The following NCAM1 variants were observed in gnomAD, a reference collection of about 807,000 sequenced individuals.
NCAM1 encodes the protein antigen recognized by monoclonal antibody 5.1H11.
In NCAM1, 14 loss-of-function variants were observed where a neutral mutation model predicts 109.8. The observed-to-expected ratio is 0.13, with a 90% CI of 0.08 to 0.20. NCAM1 has a LOEUF of 0.20. NCAM1 is among the 10% of genes least tolerant of loss of function. The pLI is 1.00. For synonymous variants in NCAM1, 418 were observed against 442.9 expected (o/e 0.94, Z 0.70); for missense variants, 774 against 1,109.9 (o/e 0.70, Z 4.30).
intron 1 of NCAM1, among the ~76,000 whole-genome samples, chr11:113,056,009 ATATATATATATATAT>A (rs1591288096): frequency 3.3e-5 from 4 of 121,064 alleles, no homozygotes; most frequent in South Asian, 2.6e-4. Flanking sequence ...ATATATATAT[ATATATATATATATAT>A]AAAATATATA....
intron 17 of NCAM1, chr11:113,264,219 CT>C (rs1946084531): frequency 6.1e-6 from 6 of 984,930 alleles, no homozygotes; most frequent in African/African-American, 3.5e-5. Flanking sequence ...GATTTTTGTT[CT>C]TTTTGGTTTC....
chr11:113,071,421 AT>A (rs66821824), intron 1 of NCAM1, among the ~76,000 whole-genome samples: 13,660 of 127,440 alleles, frequency 0.11, 691 homozygotes, highest in East Asian at 0.21. Context: ...TGTTGGTTGG[AT>A]TTTTTTTTTT....
chr11:113,094,092 G>C (rs538337984), intron 1 of NCAM1, among the ~76,000 whole-genome samples: 1 of 152,288 alleles, frequency 6.6e-6, no homozygotes, highest in Non-Finnish European at 1.5e-5. Flanking sequence ...GAAACATAGG[G>C]TCCCCTTTAG....
intron 1 of NCAM1, among the ~76,000 whole-genome samples, chr11:113,182,223 C>T (rs1457769808): frequency 2.6e-5 from 4 of 152,180 alleles, no homozygotes; most frequent in Non-Finnish European, 5.9e-5. Context: ...TAGTCTGTCT[C>T]GTTCTCTATT....
intron 1 of NCAM1, among the ~76,000 whole-genome samples, chr11:113,017,027 T>C (rs1332955424): frequency 6.6e-6 from 1 of 152,208 alleles, no homozygotes; most frequent in Non-Finnish European, 1.5e-5. Flanking sequence ...AATACAGTGT[T>C]CTCAAGGTTT....
Position 113,106,929 on chromosome 11 carries a change from G to C in NCAM1, c.53-95450G>C, listed in dbSNP as rs1018818442. Reference sequence around the variant, plus strand: ...TAAGACACACAGTCAACAGTTGCTTGTGGTCTCTCCTCCTCGATTTTCTAA... The same window carrying C: ...TAAGACACACAGTCAACAGTTGCTTCTGGTCTCTCCTCCTCGATTTTCTAA... On this transcript the variant is annotated intron_variant, in intron 1 of 19. Transcript: ENST00000316851. Among the ~76,000 whole-genome samples, 3 of 152,324 alleles carry C rather than the reference G, an allele frequency of 2.0e-5. No homozygotes were observed. The East Asian group carries it at 5.8e-4, about 29-fold the overall frequency.
intron 14 of NCAM1, among the ~76,000 whole-genome samples, chr11:113,243,329 G>C (rs988780414): frequency 1.3e-5 from 2 of 152,136 alleles, no homozygotes; most frequent in Non-Finnish European, 2.9e-5. Flanking sequence ...GCTGCTTCCT[G>C]ACAGCATGCC....
intron 1 of NCAM1, among the ~76,000 whole-genome samples, chr11:113,089,441 T>C (rs10891500): frequency 0.074 from 11,221 of 151,920 alleles, 737 homozygotes; most frequent in Admixed American, 0.17. Flanking sequence ...ATTGAACAAC[T>C]GTGGTTAAGA....
intron 1 of NCAM1, among the ~76,000 whole-genome samples, chr11:113,001,280 G>T (rs549012956): frequency 6.6e-6 from 1 of 152,158 alleles, no homozygotes; most frequent in Non-Finnish European, 1.5e-5. Flanking sequence ...AGGTTTCCTG[G>T]AGCATAGAAG....
intron 1 of NCAM1, among the ~76,000 whole-genome samples, chr11:113,121,192 G>T (rs1316434824): frequency 6.7e-6 from 1 of 148,786 alleles, no homozygotes; most frequent in Non-Finnish European, 1.5e-5. Flanking sequence ...CCATATTTTG[G>T]GATATCATTT....
At chr11:112,977,565 G>A (rs921912203) in intron 1 of NCAM1, 2 of 151,830 alleles carry the variant, frequency 1.3e-5, no homozygotes, top group Non-Finnish European at 2.9e-5. Flanking sequence ...CCATATAAAT[G>A]AGTTTCCTAG....
intron 1 of NCAM1, among the ~76,000 whole-genome samples, chr11:113,005,895 A>AT (rs1201134022): frequency 7.9e-4 from 120 of 152,110 alleles, no homozygotes; most frequent in Non-Finnish European, 7.8e-4. Flanking sequence ...GGTTATTCTG[A>AT]TTTTTTTTCC....
At chr11:113,092,857 A>C (rs1388222718) in intron 1 of NCAM1, among the ~76,000 whole-genome samples, 1 of 152,216 alleles carries the variant, frequency 6.6e-6, no homozygotes, top group Non-Finnish European at 1.5e-5. Flanking sequence ...AGGAACCAGC[A>C]CTGTCCCACA....
chr11:113,048,282 A>T (rs1953342426), intron 1 of NCAM1, among the ~76,000 whole-genome samples: 1 of 152,232 alleles, frequency 6.6e-6, no homozygotes, highest in Non-Finnish European at 1.5e-5. Flanking sequence ...TTTTAAAACA[A>T]TGTTAAAACA....
chr11:113,053,514 C>T (rs2135421899), intron 1 of NCAM1, among the ~76,000 whole-genome samples: 1 of 152,290 alleles, frequency 6.6e-6, no homozygotes, highest in African/African-American at 2.4e-5. Context: ...AAGTAATTTA[C>T]ATTTCCACCA....
rs200859884 is a variant in NCAM1 at position 113,147,405 on chromosome 11, G to T, written c.53-54974G>T. On this transcript the variant is annotated intron_variant, in intron 1 of 19. Transcript: ENST00000316851. ...GCTCATGGGAGGAGCAAAGGCCTTT[G>T]CAGGAGTGGAGGACAGAAGCCCATT... Among the ~76,000 whole-genome samples, 11 of 152,372 alleles carry T rather than the reference G, an allele frequency of 7.2e-5. No homozygotes were observed. The East Asian group carries it at 2.1e-3, about 29-fold the overall frequency.
chr11:113,141,875 A>ATAAACACC (rs1555100505), intron 1 of NCAM1, among the ~76,000 whole-genome samples: 11 of 152,158 alleles, frequency 7.2e-5, no homozygotes, highest in African/African-American at 2.7e-4. Flanking sequence ...TTCCAGTCGT[A>ATAAACACC]TATAAAAGTA....
In NCAM1 at chr11:112,990,670, G is replaced by A. The variant is rs561150602; in HGVS notation, c.52+29006G>A. 9.9e-5 allele frequency among the ~76,000 whole-genome samples: 15 copies of A among 152,214 alleles called. No homozygotes were observed. In the South Asian group the frequency reaches 1.9e-3, roughly 19 times the overall value. On this transcript the variant is annotated intron_variant, in intron 1 of 19. Transcript: ENST00000316851. Reference sequence around the variant, plus strand: ...GGTCTGTAGGTTTATCATCCATGGCGCAAGTGGGTGTGATTTTTTCTGGGT... The same window carrying A: ...GGTCTGTAGGTTTATCATCCATGGCACAAGTGGGTGTGATTTTTTCTGGGT...
chr11:113,056,400 T>C (rs1419071974), intron 1 of NCAM1, among the ~76,000 whole-genome samples: 1 of 152,120 alleles, frequency 6.6e-6, no homozygotes, highest in African/African-American at 2.4e-5. Context: ...ATTGTAATGT[T>C]CCCAACACAA....
Sources: allele counts gnomAD v4.1 joint callset (sites outside exome capture counted in the v4.1 genomes callset), GRCh38; gene constraint gnomAD v4.1.1; transcripts MANE v1.5; gene names NCBI Gene and HGNC (gene_info 2026-07-23, HGNC 2026-07-21).